The following FAM163A variants were observed in gnomAD, a reference collection of about 807,000 sequenced individuals.
The protein encoded by FAM163A is family with sequence similarity 163 member A.
FAM163A carries 7 observed loss-of-function variants against 12.0 expected under a neutral mutation model. That is an observed-to-expected ratio of 0.58 (90% CI 0.33 to 1.10). FAM163A has a LOEUF of 1.10. Ranked by LOEUF, FAM163A falls within the 50% of genes least tolerant of loss-of-function variation. FAM163A has a pLI of 0.03. For missense variants in FAM163A, 202 were observed against 218.6 expected, an observed-to-expected ratio of 0.92 and a Z score of 0.48; for synonymous variants, 101 against 91.0, an observed-to-expected ratio of 1.11 and a Z score of -0.62.
intron 1 of FAM163A, among the ~76,000 whole-genome samples, chr1:179,793,617 C>T (rs1035521105): frequency 9.2e-5 from 14 of 152,190 alleles, no homozygotes; most frequent in South Asian, 2.1e-4. Context: ...AGGTCTGGAA[C>T]TCATATTTCA....
Position 179,753,277 on chromosome 1 carries a change from A to G in FAM163A, c.-136+9854A>G, listed in dbSNP as rs978505831. Among the ~76,000 whole-genome samples, 12 of 152,206 alleles carry G rather than the reference A, an allele frequency of 7.9e-5. No homozygotes were observed. In the South Asian group the frequency reaches 8.3e-4, roughly 11 times the overall value. On this transcript the variant is annotated intron_variant, in intron 1 of 4. Coordinates refer to ENST00000341785, the MANE Select transcript of FAM163A (RefSeq NM_173509.3). ...TCTAAAATAGTCACCACAGAAACAG[A>G]GAGTAGACTGGTGATTGCCCAGGGC...
chr1:179,729,589 A>G, the FAM163A span, among the ~76,000 whole-genome samples: 6 of 152,260 alleles, frequency 3.9e-5, no homozygotes, highest in African/African-American at 1.2e-4. Context: ...TTCTAAGAGA[A>G]TAAGTCAGTA....
At chr1:179,812,480 C>G (rs1012363157) in intron 3 of FAM163A, among the ~76,000 whole-genome samples, 2 of 152,164 alleles carry the variant, frequency 1.3e-5, no homozygotes, top group African/African-American at 4.8e-5. Context: ...AGAAGAGCCA[C>G]CTGGTGTTTT....
chr1:179,810,995 A>G (rs1694628659), intron 2 of FAM163A, among the ~76,000 whole-genome samples: 1 of 152,142 alleles, frequency 6.6e-6, no homozygotes, highest in African/African-American at 2.4e-5. Context: ...GTGAGCCAAG[A>G]TTGTGCCACT....
chr1:179,807,433 C>G (rs1029673225), intron 1 of FAM163A, among the ~76,000 whole-genome samples: 1 of 152,142 alleles, frequency 6.6e-6, no homozygotes, highest in African/African-American at 2.4e-5. Flanking sequence ...AGGACACATC[C>G]ACTGAGCACA....
chr1:179,762,065 G>A (rs1470485084), intron 1 of FAM163A, among the ~76,000 whole-genome samples: 1 of 152,148 alleles, frequency 6.6e-6, no homozygotes, highest in Admixed American at 6.6e-5. Flanking sequence ...TTTAAAGCTT[G>A]GAAAATGTCC....
chr1:179,785,677 A>T (rs1010363278), intron 1 of FAM163A, among the ~76,000 whole-genome samples: 1 of 152,242 alleles, frequency 6.6e-6, no homozygotes, highest in African/African-American at 2.4e-5. Flanking sequence ...CCTTAAAAAA[A>T]TGGTTAGCAC....
intron 1 of FAM163A, among the ~76,000 whole-genome samples, chr1:179,786,084 C>A (rs1368881614): frequency 6.6e-6 from 1 of 151,966 alleles, no homozygotes; most frequent in East Asian, 1.9e-4. Flanking sequence ...TTTCCCCACT[C>A]CCTTGCCAAA....
At chr1:179,794,303 A>G (rs544504455) in intron 1 of FAM163A, among the ~76,000 whole-genome samples, 1 of 152,384 alleles carries the variant, frequency 6.6e-6, no homozygotes, top group East Asian at 1.9e-4. Flanking sequence ...CCAAAGAAAT[A>G]CTTGAAATGA....
chr1:179,763,364 A>C (rs1461656602), intron 1 of FAM163A, among the ~76,000 whole-genome samples: 2 of 152,316 alleles, frequency 1.3e-5, no homozygotes, highest in East Asian at 3.9e-4. Flanking sequence ...CCTTATGCCA[A>C]AGAGGCATAT....
At chr1:179,735,492 A>ATTTTTT in the FAM163A span, among the ~76,000 whole-genome samples, 74 of 58,306 alleles carry the variant, frequency 1.3e-3, no homozygotes, top group East Asian at 3.3e-3. Flanking sequence ...AAGGAGTTAC[A>ATTTTTT]TTCTTTTTTT....
chr1:179,804,125 C>A (rs1459734326), intron 1 of FAM163A: 1 of 152,096 alleles, frequency 6.6e-6, no homozygotes, highest in Non-Finnish European at 1.5e-5. Context: ...AGAGAAGTTT[C>A]TTCTTGCATC....
intron 1 of FAM163A, among the ~76,000 whole-genome samples, chr1:179,780,930 T>C (rs1689634575): frequency 6.6e-6 from 1 of 152,154 alleles, no homozygotes; most frequent in Non-Finnish European, 1.5e-5. Context: ...CATTTGCTGA[T>C]TATAATATGT....
chr1:179,813,677 T>C (rs988432492), intron 4 of FAM163A, 102 bp from the exon 5 acceptor site: 59 of 1,361,138 alleles, frequency 4.3e-5, no homozygotes, highest in Non-Finnish European at 5.7e-5. Flanking sequence ...TGGCACTAGG[T>C]TCTCCATGGA....
At chr1:179,808,129 G>A (rs1486120726) in intron 2 of FAM163A, among the ~76,000 whole-genome samples, 1 of 152,188 alleles carries the variant, frequency 6.6e-6, no homozygotes, top group Non-Finnish European at 1.5e-5. Context: ...CTGTCCTCAG[G>A]ACACCTCAGG....
the FAM163A span, among the ~76,000 whole-genome samples, chr1:179,735,495 CTTTTTTTTTTTTT>C: frequency 6.1e-3 from 377 of 62,208 alleles, 3 homozygotes; most frequent in African/African-American, 0.023. Flanking sequence ...GAGTTACATT[CTTTTTTTTTTTTT>C]TTTTTTTTTT....
At chr1:179,800,974 C>T (rs1206454986) in intron 1 of FAM163A, among the ~76,000 whole-genome samples, 1 of 152,106 alleles carries the variant, frequency 6.6e-6, no homozygotes. Context: ...TTGCTCAAGC[C>T]CCCATTATAG....
chr1:179,745,383 G>A (rs2147947763), intron 1 of FAM163A, among the ~76,000 whole-genome samples: 1 of 152,214 alleles, frequency 6.6e-6, no homozygotes, highest in East Asian at 1.9e-4. Context: ...CCCCGGCTTA[G>A]TTCAGGGAGT....
intron 1 of FAM163A, among the ~76,000 whole-genome samples, chr1:179,784,776 C>T (rs532701686): frequency 6.6e-6 from 1 of 152,322 alleles, no homozygotes; most frequent in African/African-American, 2.4e-5. Flanking sequence ...TGACATGTCG[C>T]AGTGTATAAA....
Sources: gnomAD v4.1 joint callset for allele counts (sites outside exome capture counted in the v4.1 genomes callset) on GRCh38, gnomAD v4.1.1 for gene constraint, MANE v1.5 for transcripts, NCBI Gene and HGNC (gene_info 2026-07-23, HGNC 2026-07-21) for gene names.